PPP1R1C: variants seen among roughly 807,000 people sequenced by gnomAD.
PPP1R1C encodes protein phosphatase 1 regulatory subunit 1C.
Under a neutral mutation model 17.4 loss-of-function variants are expected in PPP1R1C, and 15 were observed. The ratio of observed to expected loss-of-function variants is 0.86; its 90% CI spans 0.58 to 1.33. The LOEUF is 1.33. Ranked by LOEUF, PPP1R1C falls within the 40% of genes most tolerant of loss-of-function variation. The pLI is 0.00. For synonymous variants in PPP1R1C, 35 were observed against 43.1 expected (o/e 0.81, Z 0.73); for missense variants, 143 against 130.0 (o/e 1.10, Z -0.48).
chr2:182,023,077 A>T (rs1686478411), intron 2 of PPP1R1C, among the ~76,000 whole-genome samples: 1 of 152,236 alleles, frequency 6.6e-6, no homozygotes, highest in South Asian at 2.1e-4. Flanking sequence ...TAACACATAG[A>T]GACAAATGTA....
At chr2:182,035,719 C>T (rs1382594326) in intron 2 of PPP1R1C, among the ~76,000 whole-genome samples, 1 of 152,112 alleles carries the variant, frequency 6.6e-6, no homozygotes, top group Admixed American at 6.5e-5. Context: ...TTGCCTTCTG[C>T]CGTGATTGTA....
At chr2:182,042,889 G>A (rs1371206906) in intron 2 of PPP1R1C, among the ~76,000 whole-genome samples, 1 of 152,188 alleles carries the variant, frequency 6.6e-6, no homozygotes. Context: ...GATATGTTCG[G>A]TCAACTAGAG....
chr2:181,955,638 A>G (rs562389225), intron 1 of PPP1R1C, among the ~76,000 whole-genome samples: 2 of 152,328 alleles, frequency 1.3e-5, no homozygotes, highest in South Asian at 4.1e-4. Context: ...CTTGATAATA[A>G]TATATTTTCA....
At position 182,066,974 on chromosome 2, in the gene PPP1R1C, G is replaced by T. The variant is rs967458492; in HGVS notation, c.241+3183G>T. On this transcript the variant is annotated intron_variant, in intron 4 of 4. Coordinates refer to ENST00000682840, the MANE Select transcript of PPP1R1C (RefSeq NM_001080545.3). The stretch of plus-strand genomic sequence containing the variant: ...TGTCTGTGTGTGTGTGTGTTTGTGT[G>T]TGTGTGTGTGTGTGTGTGTGTTTTA... 1.3e-3 allele frequency among the ~76,000 whole-genome samples: 191 copies of T among 150,338 alleles called. 2 individuals are homozygous for T. Among genetic ancestry groups the T allele is most frequent in the East Asian group, 0.012 (59 of 5,128 alleles).
At chr2:182,061,501 G>C (rs1687849881) in intron 3 of PPP1R1C, 22 bp downstream of exon 3, 1 of 1,422,168 alleles carries the variant, frequency 7.0e-7, no homozygotes, top group East Asian at 2.8e-5. Flanking sequence ...AAAATATTTT[G>C]TATAAATGTG....
intron 4 of PPP1R1C, among the ~76,000 whole-genome samples, chr2:182,113,763 A>T (rs937940560): frequency 2.0e-5 from 3 of 152,094 alleles, no homozygotes; most frequent in African/African-American, 7.2e-5. Context: ...GCTCTTGGAA[A>T]CCTTTACTCT....
At chr2:182,054,652 AGT>A (rs112893216) in intron 2 of PPP1R1C, among the ~76,000 whole-genome samples, 16 of 149,956 alleles carry the variant, frequency 1.1e-4, no homozygotes, top group Middle Eastern at 3.4e-3. Flanking sequence ...TGTGTGTGTA[AGT>A]GTGTGTGTGT....
rs191242167 is a variant in PPP1R1C at position 182,057,324 on chromosome 2, T to G, written c.143-4118T>G. Among the ~76,000 whole-genome samples, 26 of 152,196 alleles carry G rather than the reference T, an allele frequency of 1.7e-4. No homozygotes were observed. In the East Asian group the frequency reaches 5.0e-3, roughly 29 times the overall value. ...GTAAAGGAAGTGCTGTGGGTGTTGG[T>G]TGGGGAAGAGATGAGTTCCAATTGA... On this transcript the variant is annotated intron_variant, in intron 2 of 4. Coordinates refer to ENST00000682840, the MANE Select transcript of PPP1R1C (RefSeq NM_001080545.3).
At chr2:182,120,885 A>G (rs1457155117), downstream of PPP1R1C, among the ~76,000 whole-genome samples, 1 of 152,156 alleles carries the variant, frequency 6.6e-6, no homozygotes, top group Admixed American at 6.5e-5. Flanking sequence ...TTAAGAACAT[A>G]AGTTTTCTTT....
intron 5 of PPP1R1C, among the ~76,000 whole-genome samples, chr2:182,124,880 C>G (rs1247663295): frequency 6.6e-6 from 1 of 151,982 alleles, no homozygotes; most frequent in South Asian, 2.1e-4. Flanking sequence ...ATTTTAATAC[C>G]CTTTATCTTT....
intron 4 of PPP1R1C, among the ~76,000 whole-genome samples, chr2:182,068,719 G>C (rs980527698): frequency 6.6e-6 from 1 of 152,124 alleles, no homozygotes; most frequent in Non-Finnish European, 1.5e-5. Context: ...AAGCCTTGCA[G>C]TTCAAAAAAG....
At chr2:181,990,177 C>T (rs975370283) in intron 2 of PPP1R1C, among the ~76,000 whole-genome samples, 4 of 151,514 alleles carry the variant, frequency 2.6e-5, no homozygotes, top group African/African-American at 7.3e-5. Flanking sequence ...CACCCTCTGT[C>T]GCCCAGGCTT....
intron 2 of PPP1R1C, among the ~76,000 whole-genome samples, chr2:182,033,700 C>T (rs149113523): frequency 0.017 from 2,648 of 152,224 alleles, 39 homozygotes; most frequent in Middle Eastern, 0.051. Flanking sequence ...CAGTCATATT[C>T]TTAAAATACA....
chr2:182,121,656 TTTTGTTTG>T (rs1469028980), downstream of PPP1R1C, among the ~76,000 whole-genome samples: 1 of 151,822 alleles, frequency 6.6e-6, no homozygotes, highest in African/African-American at 2.4e-5. Context: ...CCCAGCTGAT[TTTTGTTTG>T]TTTGTTTGTT....
chr2:182,110,848 C>G (rs1689395882), intron 4 of PPP1R1C, among the ~76,000 whole-genome samples: 1 of 152,046 alleles, frequency 6.6e-6, no homozygotes, highest in South Asian at 2.1e-4. Flanking sequence ...CATTGTTTAG[C>G]TCCATTATGT....
At chr2:181,982,129 C>T (rs1485051630), upstream of PPP1R1C, among the ~76,000 whole-genome samples, 2 of 152,096 alleles carry the variant, frequency 1.3e-5, no homozygotes, top group Admixed American at 6.5e-5. Flanking sequence ...CCCTCTCCAC[C>T]CCTCTCCTCT....
intron 2 of PPP1R1C, among the ~76,000 whole-genome samples, chr2:182,052,763 T>C (rs1176075070): frequency 1.3e-5 from 2 of 152,194 alleles, no homozygotes; most frequent in Non-Finnish European, 2.9e-5. Flanking sequence ...TGTTGTAAAA[T>C]TAATCGAAAT....
downstream of PPP1R1C, among the ~76,000 whole-genome samples, chr2:182,121,782 G>A (rs560398243): frequency 2.6e-5 from 4 of 152,114 alleles, no homozygotes; most frequent in Non-Finnish European, 2.9e-5. Context: ...GATTACAGGC[G>A]TGAGCCCCCG....
intron 2 of PPP1R1C, among the ~76,000 whole-genome samples, chr2:182,043,422 A>G (rs1687244865): frequency 6.6e-6 from 1 of 152,226 alleles, no homozygotes; most frequent in African/African-American, 2.4e-5. Context: ...TATCTGATTT[A>G]TCTGCCGTAA....
Sources: gnomAD v4.1 joint callset for allele counts (sites outside exome capture counted in the v4.1 genomes callset) on GRCh38, gnomAD v4.1.1 for gene constraint, MANE v1.5 for transcripts, NCBI Gene and HGNC (gene_info 2026-07-23, HGNC 2026-07-21) for gene names.